The following RERE variants were observed in gnomAD, a reference collection of about 807,000 sequenced individuals.
RERE encodes arginine-glutamic acid dipeptide repeats.
In RERE, 40 loss-of-function variants were observed where a neutral mutation model predicts 146.1. The ratio of observed to expected loss-of-function variants is 0.27; its 90% CI spans 0.21 to 0.36. The LOEUF is 0.36. RERE is among the 10% of genes least tolerant of loss of function. RERE has a pLI of 1.00. For synonymous variants in RERE, 1,003 were observed against 866.0 expected, an observed-to-expected ratio of 1.16 and a Z score of -2.78; for missense variants, 1,933 against 2,138.7, an observed-to-expected ratio of 0.90 and a Z score of 1.90.
In RERE at chr1:8,713,330, G is replaced by T. The variant is rs185421727; in HGVS notation, c.-144-56889C>A. ...AATTATTAAAATCAAATGTAAAAAT[G>T]ACACTCTTGCTTGAATGCAAATTCT... On this transcript the variant is annotated intron_variant, in intron 1 of 22. Coordinates refer to ENST00000400908, the MANE Select transcript of RERE (RefSeq NM_001042681.2). Among the ~76,000 whole-genome samples, 8 of 152,266 alleles carry T rather than the reference G, an allele frequency of 5.3e-5. No homozygotes were observed. The East Asian group carries it at 1.5e-3, about 29-fold the overall frequency.
At chr1:8,667,339 A>T (rs144344536) in intron 1 of RERE, among the ~76,000 whole-genome samples, 208 of 152,308 alleles carry the variant, frequency 1.4e-3, no homozygotes, top group African/African-American at 4.8e-3. Flanking sequence ...GTGCCCCAGG[A>T]GGTTTCCAAT....
rs55782370 is a variant in RERE at position 8,447,225 on chromosome 1, C to A, written c.1203+18700G>T. On this transcript the variant is annotated intron_variant, in intron 11 of 22. Transcript: ENST00000400908. ...TTTTTCAAGGTTCTTAGCTTCCTCG[C>A]ATTGGGTTAGAACATGCTCCTTTAG... 2.4e-4 allele frequency among the ~76,000 whole-genome samples: 36 copies of A among 151,938 alleles called. 1 individual carries two copies. The highest frequency in any genetic ancestry group is 6.8e-3 in the Middle Eastern group (2 of 292).
chr1:8,426,378 C>T (rs766217023), intron 11 of RERE, among the ~76,000 whole-genome samples: 2 of 151,154 alleles, frequency 1.3e-5, no homozygotes, highest in East Asian at 1.9e-4. Context: ...GGCGTCAACC[C>T]GGGAGGCGCA....
At chr1:8,585,978 A>G (rs1646423066) in intron 4 of RERE, among the ~76,000 whole-genome samples, 1 of 152,150 alleles carries the variant, frequency 6.6e-6, no homozygotes. Context: ...AATATCCTAC[A>G]CCACCTGTAA....
chr1:8,718,564 A>G (rs904425548), intron 1 of RERE, among the ~76,000 whole-genome samples: 1 of 152,208 alleles, frequency 6.6e-6, no homozygotes, highest in Non-Finnish European at 1.5e-5. Context: ...TCAATAGTGA[A>G]GTTTAGTCCT....
intron 10 of RERE, among the ~76,000 whole-genome samples, chr1:8,475,927 G>A (rs1644750452): frequency 6.6e-6 from 1 of 152,136 alleles, no homozygotes; most frequent in Admixed American, 6.5e-5. Context: ...GGTCTTACGG[G>A]AGCAAAATTC....
At chr1:8,809,157 A>AAAAAAAAAAAAAAAAAAAAT (rs985140466) in intron 1 of RERE, among the ~76,000 whole-genome samples, 4 of 146,212 alleles carry the variant, frequency 2.7e-5, no homozygotes, top group African/African-American at 1.1e-4. Flanking sequence ...AAAAAAAAAA[A>AAAAAAAAAAAAAAAAAAAAT]AAAGTACTGA....
chr1:8,378,066 T>C (rs1189442656), intron 12 of RERE, among the ~76,000 whole-genome samples: 1 of 152,234 alleles, frequency 6.6e-6, no homozygotes, highest in Admixed American at 6.5e-5. Flanking sequence ...AGTTGAATTT[T>C]AAAATTGCTC....
chr1:8,646,744 G>C (rs1440429952), intron 2 of RERE, among the ~76,000 whole-genome samples: 1 of 152,164 alleles, frequency 6.6e-6, no homozygotes, highest in Non-Finnish European at 1.5e-5. Flanking sequence ...TGCTATGAAA[G>C]ATCACCACTA....
At chr1:8,618,919 T>C (rs747288238) in intron 3 of RERE, among the ~76,000 whole-genome samples, 7 of 152,208 alleles carry the variant, frequency 4.6e-5, no homozygotes, top group Non-Finnish European at 8.8e-5. Flanking sequence ...TCTGCAGCCC[T>C]TCTGCTGTTG....
At chr1:8,470,637 T>A (rs1469478049) in intron 10 of RERE, among the ~76,000 whole-genome samples, 1 of 151,936 alleles carries the variant, frequency 6.6e-6, no homozygotes, top group African/African-American at 2.4e-5. Flanking sequence ...CAAAACTTGG[T>A]CAACTGGCTG....
intron 1 of RERE, among the ~76,000 whole-genome samples, chr1:8,710,903 T>C (rs192626311): frequency 2.4e-3 from 372 of 152,038 alleles, no homozygotes; most frequent in African/African-American, 8.8e-3. Context: ...AGTGCTGTAA[T>C]CCCAGCACTT....
intron 1 of RERE, among the ~76,000 whole-genome samples, chr1:8,684,580 G>C (rs1443214742): frequency 9.9e-5 from 15 of 152,160 alleles, no homozygotes; most frequent in Non-Finnish European, 8.8e-5. Flanking sequence ...AAACAAGAAT[G>C]ATTAATTAAG....
intron 1 of RERE, among the ~76,000 whole-genome samples, chr1:8,775,061 A>G (rs1436437698): frequency 1.4e-5 from 2 of 147,072 alleles, no homozygotes; most frequent in Non-Finnish European, 3.0e-5. Context: ...CCCGGGTTCA[A>G]GCGATTCTCC....
At chr1:8,404,165 C>T (rs982523511) in intron 12 of RERE, among the ~76,000 whole-genome samples, 3 of 152,068 alleles carry the variant, frequency 2.0e-5, no homozygotes, top group Non-Finnish European at 4.4e-5. Context: ...TGCGGTGGCT[C>T]ACGCTTGTAA....
At chr1:8,647,064 C>A (rs575944532) in intron 2 of RERE, among the ~76,000 whole-genome samples, 1 of 152,160 alleles carries the variant, frequency 6.6e-6, no homozygotes, top group East Asian at 1.9e-4. Context: ...CCATCCTGGG[C>A]GACCCTGTCT....
intron 11 of RERE, among the ~76,000 whole-genome samples, chr1:8,461,884 GC>G (rs1206563212): frequency 6.6e-6 from 1 of 152,024 alleles, no homozygotes; most frequent in African/African-American, 2.4e-5. Context: ...TTGCTCTGTT[GC>G]CCAGGCTGGA....
At chr1:8,363,300 C>G (rs1302897681) in intron 15 of RERE, among the ~76,000 whole-genome samples, 2 of 152,222 alleles carry the variant, frequency 1.3e-5, no homozygotes, top group African/African-American at 2.4e-5. Flanking sequence ...ATGAAGCTGT[C>G]AAGTAAAGCA....
chr1:8,801,011 C>T (rs1641580273), intron 1 of RERE, among the ~76,000 whole-genome samples: 1 of 151,882 alleles, frequency 6.6e-6, no homozygotes, highest in Non-Finnish European at 1.5e-5. Context: ...GTAATCCTAG[C>T]ACTTTGGGAG....
Sources: gnomAD v4.1 joint callset for allele counts (sites outside exome capture counted in the v4.1 genomes callset) on GRCh38, gnomAD v4.1.1 for gene constraint, MANE v1.5 for transcripts, NCBI Gene and HGNC (gene_info 2026-07-23, HGNC 2026-07-21) for gene names.